Variants in ARHGAP23 observed in about 807,000 individuals in gnomAD.
ARHGAP23 encodes Rho GTPase activating protein 23, also known as rho GTPase-activating protein 23.
ARHGAP23 carries 34 observed loss-of-function variants against 136.3 expected under a neutral mutation model. That is an observed-to-expected ratio of 0.25 (90% CI 0.19 to 0.33). The LOEUF (loss-of-function observed/expected upper bound fraction) is 0.33. Ranked by LOEUF, ARHGAP23 falls within the 10% of genes least tolerant of loss-of-function variation. The pLI, the probability that ARHGAP23 is intolerant of heterozygous loss-of-function variation, is 1.00. For synonymous variants in ARHGAP23, 832 were observed against 920.5 expected (o/e 0.90, Z 1.74); for missense variants, 1,808 against 2,139.0 (o/e 0.85, Z 3.05).
intron 3 of ARHGAP23, among the ~76,000 whole-genome samples, chr17:38,461,513 T>G (rs2039460289): frequency 6.6e-6 from 1 of 152,212 alleles, no homozygotes; most frequent in Non-Finnish European, 1.5e-5. Flanking sequence ...GCTCTGCCAC[T>G]GGGGCTTTCG....
chr17:38,419,836 A>C (rs1218475477), intron 1 of ARHGAP23, among the ~76,000 whole-genome samples: 6 of 152,004 alleles, frequency 3.9e-5, no homozygotes, highest in Non-Finnish European at 7.4e-5. Context: ...GTTGACCCCC[A>C]GTCCCTCCTG....
In ARHGAP23 at chr17:38,486,848, C is replaced by A. The variant is rs548196094; in HGVS notation, c.2986+708C>A. Among the ~76,000 whole-genome samples the A allele has an allele frequency of 3.7e-4, 57 of 152,362 alleles. 2 individuals carry two copies. The highest frequency in any genetic ancestry group is 1.2e-3 in the African/African-American group (50 of 41,592). On this transcript the variant is annotated intron_variant, in intron 17 of 23. Transcript: ENST00000622683. The stretch of plus-strand genomic sequence containing the variant: ...ACCCCAGGCGTCGGGCACCGACGGG[C>A]TTTGGCCGTTTGCTGAACTGCTTAT...
In ARHGAP23 at chr17:38,482,140, C is replaced by T. The variant is rs569386032; in HGVS notation, c.2748C>T (p.Asn916=). 111 of 1,548,410 alleles carry T rather than the reference C, an allele frequency of 7.2e-5. No individual in the cohort carries two copies. Among genetic ancestry groups the T allele is most frequent in the Non-Finnish European group, 9.2e-5 (106 of 1,146,232 alleles). ...AGGAGTGCCAGCCAGCCACGGAGAA[C>T]CAGGTGAGTCTCTGCCACACGCCAG... is the stretch of plus-strand genomic sequence containing the variant. The part of the protein sequence containing the change: ...RLEECQPATE[N]QRVPLIVAAC... The change falls in exon 15 of 24, where the codon AAC becomes AAT. Residue 916 remains asparagine, a synonymous_variant. Coordinates refer to ENST00000622683, the MANE Select transcript of ARHGAP23 (RefSeq NM_001199417.2).
chr17:38,472,578 G>T (rs2039788363), intron 11 of ARHGAP23, among the ~76,000 whole-genome samples: 1 of 151,820 alleles, frequency 6.6e-6, no homozygotes, highest in Admixed American at 6.5e-5. Flanking sequence ...TCGGGGAGTA[G>T]TTGGGGAGGG....
At chr17:38,426,991 CT>C (rs1172651071), upstream of ARHGAP23, among the ~76,000 whole-genome samples, 7 of 152,184 alleles carry the variant, frequency 4.6e-5, no homozygotes, top group Non-Finnish European at 8.8e-5. Flanking sequence ...TCACTGCCTC[CT>C]CTCTCCAAGT....
At chr17:38,507,805 C>T (rs1343972784) in intron 23 of ARHGAP23, among the ~76,000 whole-genome samples, 1 of 152,186 alleles carries the variant, frequency 6.6e-6, no homozygotes, top group Non-Finnish European at 1.5e-5. Flanking sequence ...CTCCTGAGTC[C>T]CTGACATGCT....
upstream of ARHGAP23, among the ~76,000 whole-genome samples, chr17:38,424,074 T>TA (rs2038546126): frequency 6.6e-6 from 1 of 151,462 alleles, no homozygotes; most frequent in African/African-American, 2.5e-5. Context: ...TCAAAAGTCA[T>TA]ACAGCTACTG....
chr17:38,451,866 G>C (rs949688704), intron 1 of ARHGAP23: 3 of 152,498 alleles, frequency 2.0e-5, no homozygotes, highest in Admixed American at 6.5e-5. Context: ...TGCCAATGGA[G>C]ATGGCGCGTC....
chr17:38,496,469 A>T (rs577582983), intron 20 of ARHGAP23, among the ~76,000 whole-genome samples: 2 of 152,192 alleles, frequency 1.3e-5, no homozygotes, highest in Non-Finnish European at 2.9e-5. Context: ...GAGAGACCCT[A>T]TCTCAAAAAT....
In ARHGAP23 at chr17:38,472,287, G is replaced by A. The variant is rs529409740; in HGVS notation, c.2118+281G>A. Among the ~76,000 whole-genome samples, 513 of 152,308 alleles carry A rather than the reference G, an allele frequency of 3.4e-3. 2 individuals carry two copies. The highest frequency in any genetic ancestry group is 5.0e-3 in the Non-Finnish European group (342 of 68,030). On this transcript the variant is annotated intron_variant, in intron 11 of 23. Transcript: ENST00000622683. ...TCCCACACGGGCCCTGGCTTGACAG[G>A]CCATCCTGAAGATGGCCGCTGGGGC...
At position 38,510,817 on chromosome 17, in the gene ARHGAP23, GACA is replaced by G. The variant is rs912792755; in HGVS notation, c.4326_4328del (p.Asn1442del). The G allele has an allele frequency of 1.9e-5, 28 of 1,507,482 alleles. No homozygotes were observed. Among genetic ancestry groups the G allele is most frequent in the Non-Finnish European group, 2.4e-5 (27 of 1,132,088 alleles). The allele number at this position is 1,507,482 out of a possible 1,614,324, so 93.4% of individuals were successfully genotyped here. A position where few individuals can be genotyped will look rare whatever the true frequency, so the allele number is the denominator to read the frequency against. ...GCCTGCGGGCGCGCGGGCGCACAGT[GACA>G]ACAAGGACTCCGGACTCAGCAGCCT... On this transcript the variant is annotated inframe_deletion, in exon 24 of 24. Coordinates refer to ENST00000622683, the MANE Select transcript of ARHGAP23 (RefSeq NM_001199417.2). This position sits in a 1 kb window ranked among gnomAD's most constrained non-coding sequence, Gnocchi z 4.6.
chr17:38,477,712 A>T lies in ARHGAP23; in HGVS notation c.2252A>T (p.Asp751Val), dbSNP rs1597812905. ...AGAAAAGAGE[D>V]EAAPVCIGSC... ...GCTGCGGCGGCCGGCGCAGGTGAGG[A>T]CGAGGCGGCGCCCGTCTGCATCGGC... Residue 751 changes from aspartate to valine, a missense_variant, in exon 12 of 24, where the codon GAC (aspartate) becomes GTC (valine). Coordinates refer to ENST00000622683, the MANE Select transcript of ARHGAP23 (RefSeq NM_001199417.2). This position sits in a 1 kb window ranked among gnomAD's most constrained non-coding sequence, Gnocchi z 6.6. The T allele has an allele frequency of 1.3e-6, 2 of 1,538,246 alleles. No individual in the cohort carries two copies. Among genetic ancestry groups the T allele is most frequent in the East Asian group, 5.0e-5 (2 of 40,302 alleles).
At position 38,467,229 on chromosome 17, in the gene ARHGAP23, G is replaced by C; in HGVS notation, c.1546G>C (p.Glu516Gln). Reference protein sequence around the residue: ...ARQMNLGFGDESPEPEASGRG... With the variant: ...ARQMNLGFGDQSPEPEASGRG... ...ACAGATGAACCTTGGATTTGGTGAC[G>C]AGTCCCCAGAGCCAGAGGCCAGTGG... Residue 516 changes from glutamate to glutamine, a missense_variant, in exon 7 of 24, where the codon GAG (glutamate) becomes CAG (glutamine). Around this residue, in one of 7 missense-constraint regions of ARHGAP23, gnomAD observed 859 missense variants for 936.4 expected, o/e 0.92. Coordinates refer to ENST00000622683, the MANE Select transcript of ARHGAP23 (RefSeq NM_001199417.2). 6.4e-7 allele frequency: 1 copy of C among 1,550,864 alleles called. No homozygotes were observed. The highest frequency in any genetic ancestry group is 8.7e-7 in the Non-Finnish European group (1 of 1,146,574).
At chr17:38,419,287 T>A (rs1436325432) in exon 1 of ARHGAP23, 1 of 149,678 alleles carries the variant, frequency 6.7e-6, no homozygotes, top group African/African-American at 2.5e-5. Flanking sequence ...TACTTGCGCT[T>A]GGCGGTCGCC....
chr17:38,453,861 C>T (rs1329251437), intron 1 of ARHGAP23: 2 of 144,742 alleles, frequency 1.4e-5, no homozygotes, highest in African/African-American at 2.5e-5. Flanking sequence ...CGCCGTCTGC[C>T]GGGCGCCTAG....
chr17:38,482,297 G>A (rs534104898), intron 15 of ARHGAP23, among the ~76,000 whole-genome samples, 154 bp downstream of exon 15: 3 of 152,222 alleles, frequency 2.0e-5, no homozygotes, highest in Non-Finnish European at 4.4e-5. Context: ...CGCCTGCCCC[G>A]GGCCTCCCAG....
intron 1 of ARHGAP23, among the ~76,000 whole-genome samples, chr17:38,439,535 T>A (rs4794780): frequency 2.1e-4 from 32 of 152,106 alleles, no homozygotes; most frequent in African/African-American, 7.7e-4. Context: ...ATAATAACAA[T>A]GGGAGTATTG....
At chr17:38,488,517 T>C (rs1346183626) in intron 17 of ARHGAP23, among the ~76,000 whole-genome samples, 2 of 152,238 alleles carry the variant, frequency 1.3e-5, no homozygotes, top group African/African-American at 4.8e-5. Context: ...CTTTGCAGTA[T>C]AGAAACTGAA....
At chr17:38,443,905 C>T (rs904436598) in intron 1 of ARHGAP23, among the ~76,000 whole-genome samples, 6 of 151,986 alleles carry the variant, frequency 3.9e-5, no homozygotes, top group Non-Finnish European at 7.4e-5. Flanking sequence ...TCCTGGGGGG[C>T]GGGGGGCAGG....
Sources: gnomAD v4.1 joint callset for allele counts (sites outside exome capture counted in the v4.1 genomes callset) on GRCh38, gnomAD v4.1.1 for gene constraint, gnomAD v4.1.1 regional missense constraint, Gnocchi (gnomAD v3.1) non-coding constraint, MANE v1.5 for transcripts, NCBI Gene and HGNC (gene_info 2026-07-23, HGNC 2026-07-21) for gene names.